TCF20: variants seen among roughly 807,000 people sequenced by gnomAD.
TCF20 encodes the protein transcription factor 20, also known as SPRE-binding protein.
TCF20 carries 3 observed loss-of-function variants against 148.6 expected under a neutral mutation model. The observed-to-expected ratio is 0.02, with a 90% CI of 0.01 to 0.05. The LOEUF (loss-of-function observed/expected upper bound fraction) is 0.05. TCF20 is among the 10% of genes least tolerant of loss of function. The pLI is 1.00. For missense variants in TCF20, 2,350 were observed against 2,429.3 expected (o/e 0.97, Z 0.69); for synonymous variants, 1,049 against 909.5 (o/e 1.15, Z -2.76).
At chr22:42,267,408 G>T (rs1427033746) in intron 1 of TCF20, among the ~76,000 whole-genome samples, 3 of 151,726 alleles carry the variant, frequency 2.0e-5, no homozygotes, top group African/African-American at 7.3e-5. Flanking sequence ...CTATATAAAA[G>T]TGTCTACTTG....
At chr22:42,182,581 T>A (rs1404754497) in intron 2 of TCF20, among the ~76,000 whole-genome samples, 1 of 152,176 alleles carries the variant, frequency 6.6e-6, no homozygotes, top group Non-Finnish European at 1.5e-5. Flanking sequence ...CTATGATTAA[T>A]TTATAACATT....
intron 1 of TCF20, among the ~76,000 whole-genome samples, chr22:42,230,996 TA>T (rs59934107): frequency 1.3e-5 from 2 of 151,114 alleles, no homozygotes; most frequent in African/African-American, 2.4e-5. Flanking sequence ...CCGTCTCTAC[TA>T]AAAAAAACAC....
chr22:42,212,906 G>T lies in TCF20; in HGVS notation c.2400C>A (p.Ser800Arg). The T allele has an allele frequency of 6.2e-7, 1 of 1,614,156 alleles. No homozygotes were observed. Among genetic ancestry groups the T allele is most frequent in the Non-Finnish European group, 8.5e-7 (1 of 1,180,038 alleles). Residue 800 changes from serine (S) to arginine (R), a missense_variant, in exon 2 of 6, where the codon AGC (serine) becomes AGA (arginine). Around this residue, in one of 7 missense-constraint regions of TCF20, gnomAD observed 1,641 missense variants for 1,662.6 expected, o/e 0.99. Coordinates refer to ENST00000677622, the MANE Select transcript of TCF20 (RefSeq NM_001378418.1). ...CAATGCTTTTGTTCAGAAGGCCCCT[G>T]CTAGCTAATTCATTGGTTTGACTAA... Reference protein sequence around the residue: ...VLVSQTNELASRGLLNKSIGS... With the variant: ...VLVSQTNELARRGLLNKSIGS...
At chr22:42,232,754 G>T (rs1321508324) in intron 1 of TCF20, among the ~76,000 whole-genome samples, 1 of 149,144 alleles carries the variant, frequency 6.7e-6, no homozygotes, top group African/African-American at 2.5e-5. Context: ...AGCCTAGATC[G>T]TGCCACTGCG....
chr22:42,216,078 C>CTTTTTTTTTTTTTT (rs1569156309), intron 1 of TCF20, among the ~76,000 whole-genome samples: 1 of 53,784 alleles, frequency 1.9e-5, no homozygotes, highest in Non-Finnish European at 3.8e-5. Context: ...AAAACCAAAT[C>CTTTTTTTTTTTTTT]CTTTTTTTTT....
At chr22:42,284,711 AAGAG>A (rs1391114652), upstream of TCF20, among the ~76,000 whole-genome samples, 1 of 152,186 alleles carries the variant, frequency 6.6e-6, no homozygotes, top group East Asian at 1.9e-4. Flanking sequence ...AGGCCACAGC[AAGAG>A]GAGGCCTGGC....
At chr22:42,272,571 G>A (rs1175594372), upstream of TCF20, among the ~76,000 whole-genome samples, 1 of 152,188 alleles carries the variant, frequency 6.6e-6, no homozygotes, top group Non-Finnish European at 1.5e-5. Context: ...GATAACTGGA[G>A]TCCAGGCGCC....
intron 1 of TCF20, among the ~76,000 whole-genome samples, chr22:42,302,026 C>A (rs1927345536): frequency 6.6e-6 from 1 of 152,194 alleles, no homozygotes; most frequent in Admixed American, 6.5e-5. Flanking sequence ...GAGAGAACCC[C>A]CTGATGGGTC....
rs1365770703 is a variant in TCF20 at position 42,209,702 on chromosome 22, A to G, written c.5604T>C (p.Val1868=). 1 of 1,614,044 alleles carries G rather than the reference A, an allele frequency of 6.2e-7. No individual in the cohort carries two copies. Among genetic ancestry groups the G allele is most frequent in the African/African-American group, 1.3e-5 (1 of 74,922 alleles). Residue 1868 remains valine (V), a synonymous_variant, in exon 2 of 6, where the codon GTT becomes GTC. Coordinates refer to ENST00000677622, the MANE Select transcript of TCF20 (RefSeq NM_001378418.1). ...CILWANGIYL[V]CGRLYGLQEA... ...CCTGCAGGCCATAGAGCCTGCCACA[A>G]ACCAGGTAGATTCCATTGGCCCAGA...
chr22:42,244,803 GGC>G (rs747010273), intron 1 of TCF20, among the ~76,000 whole-genome samples: 3 of 152,116 alleles, frequency 2.0e-5, no homozygotes, highest in Non-Finnish European at 2.9e-5. Flanking sequence ...AATCTGGCTG[GGC>G]GCAGTGGCTC....
intron 1 of TCF20, among the ~76,000 whole-genome samples, chr22:42,244,230 G>A (rs1178538529): frequency 2.0e-5 from 3 of 152,074 alleles, no homozygotes; most frequent in South Asian, 2.1e-4. Flanking sequence ...AAGTCTGGTG[G>A]TTCTTCAAAA....
At chr22:42,174,980 A>T (rs1936359980) in intron 3 of TCF20, among the ~76,000 whole-genome samples, 1 of 151,602 alleles carries the variant, frequency 6.6e-6, no homozygotes, top group Non-Finnish European at 1.5e-5. Flanking sequence ...GCTTGCAGTG[A>T]GCCGAGATCG....
At chr22:42,256,453 C>T (rs375858823) in intron 1 of TCF20, among the ~76,000 whole-genome samples, 24 of 151,574 alleles carry the variant, frequency 1.6e-4, no homozygotes, top group East Asian at 1.4e-3. Context: ...TCAGCACATG[C>T]GCTAGCCAAT....
Position 42,211,674 on chromosome 22 carries a change from C to G in TCF20, c.3632G>C (p.Arg1211Thr). Residue 1211 changes from arginine (R) to threonine (T), a missense_variant, in exon 2 of 6, where the codon AGG (arginine) becomes ACG (threonine). Physicochemically the swap from Arg to Thr is moderately conservative, Grantham distance 71. Transcript: ENST00000677622. ...ATCAGTCTCATGGGGCGGCCCATAC[C>G]TTTTTTGACTGGACATTCCTGGAGG... is the stretch of plus-strand genomic sequence containing the variant. ...SGPPGMSSQKRYGPPHETDGH... is the reference protein window; with the variant it reads ...SGPPGMSSQKTYGPPHETDGH... 1 of 1,614,172 alleles carries G rather than the reference C, an allele frequency of 6.2e-7. No homozygotes were observed. Among genetic ancestry groups the G allele is most frequent in the South Asian group, 1.1e-5 (1 of 91,084 alleles).
chr22:42,272,567 T>G (rs917812421), upstream of TCF20, among the ~76,000 whole-genome samples: 7 of 152,210 alleles, frequency 4.6e-5, no homozygotes, highest in Non-Finnish European at 7.3e-5. Flanking sequence ...GACAGATAAC[T>G]GGAGTCCAGG....
intron 1 of TCF20, among the ~76,000 whole-genome samples, chr22:42,337,696 C>A (rs372615278): frequency 6.6e-6 from 1 of 152,232 alleles, no homozygotes; most frequent in Non-Finnish European, 1.5e-5. Context: ...AAAAAGAGAA[C>A]ATGTTGATTT....
chr22:42,189,295 G>C (rs988726201), intron 2 of TCF20, among the ~76,000 whole-genome samples: 9 of 152,328 alleles, frequency 5.9e-5, no homozygotes, highest in Admixed American at 1.3e-4. Flanking sequence ...GTGTGTGGCA[G>C]TGTAAATCAG....
intron 1 of TCF20, among the ~76,000 whole-genome samples, chr22:42,304,931 C>T (rs1015358823): frequency 3.3e-5 from 5 of 152,020 alleles, no homozygotes; most frequent in African/African-American, 1.2e-4. Flanking sequence ...GCCCCAGTTT[C>T]TACCAGGGGC....
chr22:42,193,046 G>A lies in TCF20; in HGVS notation c.5656-13344C>T, dbSNP rs542012676. On this transcript the variant is annotated intron_variant, in intron 2 of 5. Coordinates refer to ENST00000677622, the MANE Select transcript of TCF20 (RefSeq NM_001378418.1). Reference sequence around the variant, plus strand: ...TCCTCAAGAAAGTTTTAGAACTATTGGTTCAATTCATCTTCATAGATATGG... The same window carrying A: ...TCCTCAAGAAAGTTTTAGAACTATTAGTTCAATTCATCTTCATAGATATGG... Among the ~76,000 whole-genome samples the A allele has an allele frequency of 1.6e-3, 240 of 152,110 alleles. 5 individuals are homozygous for A. The highest frequency in any genetic ancestry group is 5.5e-3 in the African/African-American group (230 of 41,506).
Sources: gnomAD v4.1 joint callset for allele counts (sites outside exome capture counted in the v4.1 genomes callset) on GRCh38, gnomAD v4.1.1 for gene constraint, gnomAD v4.1.1 regional missense constraint, MANE v1.5 for transcripts, NCBI Gene and HGNC (gene_info 2026-07-23, HGNC 2026-07-21) for gene names.